Variants in PHLDB2 observed in about 807,000 individuals in gnomAD.
The protein encoded by PHLDB2 is pleckstrin homology like domain family B member 2, also known as pleckstrin homology-like domain family B member 2.
In PHLDB2, 71 loss-of-function variants were observed where a neutral mutation model predicts 123.6. The ratio of observed to expected loss-of-function variants is 0.57; its 90% CI spans 0.47 to 0.70. The LOEUF (loss-of-function observed/expected upper bound fraction) is 0.70. Among genes scored for constraint, PHLDB2 ranks in the 30% least tolerant of loss-of-function variants. The probability of loss-of-function intolerance (pLI) is 0.00; values close to 1 mark genes in which losing one functional copy is unlikely to be tolerated. For missense variants in PHLDB2, 1,446 were observed against 1,519.5 expected, an observed-to-expected ratio of 0.95 and a Z score of 0.80; for synonymous variants, 547 against 541.6, an observed-to-expected ratio of 1.01 and a Z score of -0.14.
chr3:111,757,923 G>T (rs368345868), intron 1 of PHLDB2, among the ~76,000 whole-genome samples: 4 of 152,138 alleles, frequency 2.6e-5, no homozygotes, highest in African/African-American at 9.7e-5. Context: ...GTGAATTTTC[G>T]TGAACCGCGA....
At chr3:111,912,773 T>C (rs181548571) in intron 2 of PHLDB2, among the ~76,000 whole-genome samples, 159 of 152,244 alleles carry the variant, frequency 1.0e-3, no homozygotes, top group Non-Finnish European at 1.6e-3. Context: ...TTGTTGAAGG[T>C]AGATAAGTAG....
rs1425065482 is a variant in PHLDB2 at position 111,974,794 on chromosome 3, CTA to C, written c.*233_*234del. The stretch of plus-strand genomic sequence containing the variant: ...TGAAGCTTCCATGAGAAAGAAAACA[CTA>C]TTTTGATAAATTGGATCACTTATAG... On this transcript the variant is annotated 3_prime_UTR_variant, in exon 18 of 18. Coordinates refer to ENST00000431670, the MANE Select transcript of PHLDB2 (RefSeq NM_001134438.2). 5.8e-6 allele frequency: 2 copies of C among 343,352 alleles called. No individual in the cohort carries two copies. Among genetic ancestry groups the C allele is most frequent in the Non-Finnish European group, 1.0e-5 (2 of 194,304 alleles). The allele number at this position is 343,352 out of a possible 1,614,324, so 21.3% of individuals were successfully genotyped here. A position where few individuals can be genotyped will look rare whatever the true frequency, so the allele number is the denominator to read the frequency against.
chr3:111,810,257 C>T (rs868049892), intron 1 of PHLDB2, among the ~76,000 whole-genome samples: 18 of 152,134 alleles, frequency 1.2e-4, no homozygotes, highest in African/African-American at 4.1e-4. Flanking sequence ...CTATCTGGGA[C>T]CATATTACCG....
chr3:111,899,719 C>T (rs891504143), intron 2 of PHLDB2, among the ~76,000 whole-genome samples: 39 of 152,196 alleles, frequency 2.6e-4, no homozygotes, highest in African/African-American at 9.2e-4. Flanking sequence ...CAGGCATTGA[C>T]TTCTGTCTAG....
At chr3:111,757,619 G>A (rs1015855552) in intron 1 of PHLDB2, among the ~76,000 whole-genome samples, 2 of 152,230 alleles carry the variant, frequency 1.3e-5, no homozygotes, top group African/African-American at 4.8e-5. Flanking sequence ...CTGGTGAGGA[G>A]CTGCGTTCCT....
chr3:111,887,914 C>T (rs985623268), intron 2 of PHLDB2, among the ~76,000 whole-genome samples: 1 of 152,042 alleles, frequency 6.6e-6, no homozygotes, highest in Non-Finnish European at 1.5e-5. Flanking sequence ...ACTGTCTTTT[C>T]TTCATTAATG....
At chr3:111,854,599 CAACCGATCTTTTCTAAT>C (rs1343407660), upstream of PHLDB2, among the ~76,000 whole-genome samples, 4 of 152,142 alleles carry the variant, frequency 2.6e-5, no homozygotes, top group Non-Finnish European at 4.4e-5. Flanking sequence ...TAATCAAATC[CAACCGATCTTTTCTAAT>C]AAAAGAGAAC....
exon 2 of PHLDB2, chr3:111,845,895 G>T (rs762757292): frequency 6.2e-7 from 1 of 1,614,194 alleles, no homozygotes; most frequent in South Asian, 1.1e-5. Flanking sequence ...CCAAGAGAGA[G>T]GTGCCCAAGG....
chr3:111,744,475 A>T (rs540618045), intron 1 of PHLDB2, among the ~76,000 whole-genome samples: 1 of 152,228 alleles, frequency 6.6e-6, no homozygotes, highest in Admixed American at 6.5e-5. Context: ...CGCAGTGCAT[A>T]AAAAGTTTCA....
intron 1 of PHLDB2, among the ~76,000 whole-genome samples, chr3:111,733,335 C>G (rs561971891): frequency 9.8e-5 from 15 of 152,298 alleles, no homozygotes; most frequent in Middle Eastern, 3.4e-3. Flanking sequence ...TACCCTGAAT[C>G]AGGAGGACCA....
intron 1 of PHLDB2, among the ~76,000 whole-genome samples, chr3:111,876,496 A>G (rs11922171): frequency 0.45 from 68,793 of 152,062 alleles, 16,532 homozygotes; most frequent in East Asian, 0.68. Context: ...TATGTATGAT[A>G]TACTATATTC....
chr3:111,922,493 C>T (rs145098246), intron 5 of PHLDB2, among the ~76,000 whole-genome samples: 546 of 152,206 alleles, frequency 3.6e-3, no homozygotes, highest in African/African-American at 0.012. Context: ...AGGGGCTTGA[C>T]GCATAGGACC....
At chr3:111,767,030 CAAAAAAAAA>C (rs5851783) in intron 1 of PHLDB2, among the ~76,000 whole-genome samples, 3 of 63,040 alleles carry the variant, frequency 4.8e-5, no homozygotes, top group Non-Finnish European at 3.0e-5. Context: ...GACTTCATCT[CAAAAAAAAA>C]AAAAAAAAAA....
intron 1 of PHLDB2, among the ~76,000 whole-genome samples, chr3:111,780,321 G>GAA (rs1553726715): frequency 1.4e-3 from 5 of 3,686 alleles, no homozygotes; most frequent in South Asian, 0.029. Flanking sequence ...AAGAGGAAGA[G>GAA]GAAGAAGAAG....
intron 1 of PHLDB2, among the ~76,000 whole-genome samples, chr3:111,816,910 T>G (rs1210026433): frequency 6.6e-6 from 1 of 152,174 alleles, no homozygotes; most frequent in African/African-American, 2.4e-5. Context: ...GGGTGAGTCT[T>G]TCCTGCAGTG....
At chr3:111,869,789 A>G (rs892943904) in intron 1 of PHLDB2, among the ~76,000 whole-genome samples, 2 of 152,202 alleles carry the variant, frequency 1.3e-5, no homozygotes, top group African/African-American at 2.4e-5. Flanking sequence ...TGAAAGAATA[A>G]ACAAGCCTCC....
intron 1 of PHLDB2, among the ~76,000 whole-genome samples, chr3:111,869,217 G>A (rs16858745): frequency 0.029 from 4,374 of 152,020 alleles, 148 homozygotes; most frequent in South Asian, 0.13. Context: ...GATAACAGAA[G>A]GGAATCGTAG....
At chr3:111,759,141 G>A (rs111812857) in intron 1 of PHLDB2, among the ~76,000 whole-genome samples, 29 of 147,784 alleles carry the variant, frequency 2.0e-4, no homozygotes, top group African/African-American at 7.3e-4. Context: ...TTCAATGATT[G>A]TCTTAGTCCA....
chr3:111,741,312 G>A (rs2059601254), intron 1 of PHLDB2, among the ~76,000 whole-genome samples: 2 of 152,220 alleles, frequency 1.3e-5, no homozygotes, highest in African/African-American at 2.4e-5. Context: ...AAAAAGGGAA[G>A]AGGGGGCTTA....
Sources: gnomAD v4.1 joint callset for allele counts (sites outside exome capture counted in the v4.1 genomes callset) on GRCh38, gnomAD v4.1.1 for gene constraint, MANE v1.5 for transcripts, NCBI Gene and HGNC (gene_info 2026-07-23, HGNC 2026-07-21) for gene names.